Variants in PKN2 observed in about 807,000 individuals in gnomAD.
PKN2 encodes the protein serine/threonine-protein kinase N2.
A neutral mutation model predicts 119.1 loss-of-function variants in PKN2; 38 were observed. The observed-to-expected ratio is 0.32, with a 90% confidence interval of 0.25 to 0.42. PKN2 has a LOEUF of 0.42. Among genes scored for constraint, PKN2 ranks in the 10% least tolerant of loss-of-function variants. The pLI is 1.00. For missense variants in PKN2, 850 were observed against 1,165.1 expected (o/e 0.73, Z 3.94); for synonymous variants, 390 against 384.9 (o/e 1.01, Z -0.15).
At chr1:88,790,634 C>A (rs1670791357) in intron 8 of PKN2, among the ~76,000 whole-genome samples, 2 of 152,134 alleles carry the variant, frequency 1.3e-5, no homozygotes, top group African/African-American at 4.8e-5. Flanking sequence ...TCTGAAATTT[C>A]ACAGTAGTGT....
At chr1:88,733,038 G>A (rs1489966828) in intron 1 of PKN2, among the ~76,000 whole-genome samples, 1 of 152,038 alleles carries the variant, frequency 6.6e-6, no homozygotes, top group Non-Finnish European at 1.5e-5. Context: ...GGGTTAATGG[G>A]TACAAAAAAG....
chr1:88,698,985 C>G lies in PKN2; in HGVS notation c.48+14357C>G, dbSNP rs147040600. On this transcript the variant is annotated intron_variant, in intron 1 of 21. Transcript: ENST00000370521. ...AAATGAGAGTTTCAGTACACTTCCA[C>G]TTCTCACTTCCCTTGCACGGACTTT... 1.2e-4 allele frequency among the ~76,000 whole-genome samples: 19 copies of G among 152,240 alleles called. No homozygotes were observed. In the East Asian group the frequency reaches 3.7e-3, roughly 29 times the overall value.
chr1:88,818,297 T>G (rs905234847), intron 16 of PKN2, among the ~76,000 whole-genome samples: 1 of 152,178 alleles, frequency 6.6e-6, no homozygotes, highest in Middle Eastern at 3.2e-3. Flanking sequence ...CAAAGTAATT[T>G]ATAGATTCAA....
In PKN2 at chr1:88,684,373, C is replaced by T; in HGVS notation, c.-208C>T. On this transcript the variant is annotated 5_prime_UTR_variant, in exon 1 of 22. Transcript: ENST00000370521. ...CCGGTGAGGGCGGCGAGAGGAAGCC[C>T]GCTACGAGTGCCCTAGCTCCCCGCC... The T allele has an allele frequency of 4.0e-6, 2 of 497,168 alleles. No homozygotes were observed. The allele number at this position is 497,168 out of a possible 1,614,324, so 30.8% of individuals were successfully genotyped here.
intron 2 of PKN2, among the ~76,000 whole-genome samples, chr1:88,742,570 C>A (rs563922872): frequency 6.6e-6 from 1 of 151,842 alleles, no homozygotes; most frequent in East Asian, 1.9e-4. Flanking sequence ...TTAAAAAGAA[C>A]GCTTCAGCTC....
intron 3 of PKN2, among the ~76,000 whole-genome samples, chr1:88,764,761 T>C (rs1669590565): frequency 6.6e-6 from 1 of 152,218 alleles, no homozygotes; most frequent in South Asian, 2.1e-4. Context: ...TTTACCCCGT[T>C]ACATAAGTAG....
intron 8 of PKN2, among the ~76,000 whole-genome samples, chr1:88,800,670 CTCAGCATT>C (rs2100863836): frequency 6.6e-6 from 1 of 152,312 alleles, no homozygotes; most frequent in Admixed American, 6.5e-5. Flanking sequence ...CTTCGAGAAC[CTCAGCATT>C]CTTTGTGCTA....
chr1:88,700,935 G>A (rs1666745765), intron 1 of PKN2, among the ~76,000 whole-genome samples: 1 of 152,072 alleles, frequency 6.6e-6, no homozygotes, highest in African/African-American at 2.4e-5. Flanking sequence ...ATTTATGAGG[G>A]AGCAGAACTG....
intron 8 of PKN2, among the ~76,000 whole-genome samples, chr1:88,799,938 A>G (rs1671241003): frequency 6.6e-6 from 1 of 152,242 alleles, no homozygotes; most frequent in Admixed American, 6.5e-5. Flanking sequence ...GGCACATTGA[A>G]GACCAATATC....
intron 1 of PKN2, among the ~76,000 whole-genome samples, chr1:88,706,210 T>C (rs1207423390): frequency 6.6e-6 from 1 of 152,202 alleles, no homozygotes; most frequent in Non-Finnish European, 1.5e-5. Flanking sequence ...TTTTACATCT[T>C]TTGTTAGATA....
intron 1 of PKN2, among the ~76,000 whole-genome samples, chr1:88,713,181 A>G (rs771536380): frequency 2.6e-5 from 4 of 152,140 alleles, no homozygotes; most frequent in Non-Finnish European, 4.4e-5. Flanking sequence ...TTGTTGATGG[A>G]CATTTGGGTT....
intron 15 of PKN2, among the ~76,000 whole-genome samples, chr1:88,808,287 TG>T (rs58435256): frequency 3.9e-5 from 6 of 152,132 alleles, no homozygotes; most frequent in African/African-American, 1.2e-4. Context: ...CTTATACAAT[TG>T]TTTTTTTATT....
At chr1:88,799,140 GT>G (rs1671208773) in intron 8 of PKN2, among the ~76,000 whole-genome samples, 1 of 152,254 alleles carries the variant, frequency 6.6e-6, no homozygotes, top group South Asian at 2.1e-4. Context: ...ATAGGAAGCA[GT>G]TGTGCATAGT....
At chr1:88,763,607 CAA>C (rs34763457) in intron 3 of PKN2, among the ~76,000 whole-genome samples, 13 of 103,386 alleles carry the variant, frequency 1.3e-4, no homozygotes, top group Admixed American at 3.3e-4. Flanking sequence ...AACTCCATCT[CAA>C]AAAAAAAAAA....
intron 1 of PKN2, among the ~76,000 whole-genome samples, chr1:88,732,554 G>A (rs1161396069): frequency 1.3e-5 from 2 of 152,074 alleles, no homozygotes; most frequent in East Asian, 3.8e-4. Context: ...TCTAAAGTTG[G>A]TTTAAAGCCC....
In PKN2 at chr1:88,805,477, G is replaced by T; in HGVS notation, c.1502-20G>T. On this transcript the variant is annotated intron_variant, in intron 10 of 21. Coordinates refer to ENST00000370521, the MANE Select transcript of PKN2 (RefSeq NM_006256.4). ...CATAAAGAAATTACTTGCTGTTTTT[G>T]TTTTTTTCAACATCTACAGGCAAAA... 6.5e-7 allele frequency: 1 copy of T among 1,549,430 alleles called. No individual in the cohort carries two copies. Among genetic ancestry groups the T allele is most frequent in the Non-Finnish European group, 8.7e-7 (1 of 1,146,754 alleles).
At chr1:88,827,961 G>T (rs956970104) in intron 18 of PKN2, among the ~76,000 whole-genome samples, 2 of 151,852 alleles carry the variant, frequency 1.3e-5, no homozygotes, top group Admixed American at 6.6e-5. Flanking sequence ...CTGACCTCAG[G>T]TGATCCACCC....
chr1:88,821,745 TC>T (rs1672301052), intron 16 of PKN2, among the ~76,000 whole-genome samples, 195 bp from the exon 17 acceptor site: 1 of 152,232 alleles, frequency 6.6e-6, no homozygotes, highest in Non-Finnish European at 1.5e-5. Flanking sequence ...GTTAATGGCT[TC>T]CATTGTCAAG....
intron 8 of PKN2, among the ~76,000 whole-genome samples, chr1:88,787,750 T>C (rs1034313737): frequency 1.3e-5 from 2 of 152,230 alleles, no homozygotes; most frequent in African/African-American, 4.8e-5. Context: ...TTTTTCCCAC[T>C]TTGGAATAAT....
Sources: gnomAD v4.1 joint callset for allele counts (sites outside exome capture counted in the v4.1 genomes callset) on GRCh38, gnomAD v4.1.1 for gene constraint, MANE v1.5 for transcripts, NCBI Gene and HGNC (gene_info 2026-07-23, HGNC 2026-07-21) for gene names.